KIF13B: variants seen among roughly 807,000 people sequenced by gnomAD.
The protein encoded by KIF13B is kinesin-like protein KIF13B.
A neutral mutation model predicts 222.0 loss-of-function variants in KIF13B; 127 were observed. That is an observed-to-expected ratio of 0.57 (90% CI 0.50 to 0.66). KIF13B has a LOEUF of 0.66. Among genes scored for constraint, KIF13B ranks in the 30% least tolerant of loss-of-function variants. The pLI is 0.00. For missense variants in KIF13B, 2,173 were observed against 2,379.0 expected, an observed-to-expected ratio of 0.91 and a Z score of 1.80; for synonymous variants, 976 against 919.0, an observed-to-expected ratio of 1.06 and a Z score of -1.12.
intron 1 of KIF13B, among the ~76,000 whole-genome samples, chr8:29,259,436 T>C (rs1329415774): frequency 1.3e-5 from 2 of 152,228 alleles, no homozygotes; most frequent in Non-Finnish European, 2.9e-5. Context: ...AACAAAGGTA[T>C]TCCAAACACC....
chr8:29,108,074 GAGA>G (rs1563707037), intron 35 of KIF13B, 62 bp downstream of exon 35: 4 of 1,378,616 alleles, frequency 2.9e-6, no homozygotes, highest in Non-Finnish European at 3.0e-6. Context: ...CCTGAGATTT[GAGA>G]AGATGAAAGC....
At chr8:29,245,556 G>A in intron 1 of KIF13B, 117 bp from the exon 2 acceptor site, 1 of 697,048 alleles carries the variant, frequency 1.4e-6, no homozygotes, top group Non-Finnish European at 2.4e-6. Flanking sequence ...ACTCAATGAA[G>A]TAGGAATAAA....
At chr8:29,250,536 A>G (rs1816237746) in intron 1 of KIF13B, among the ~76,000 whole-genome samples, 1 of 152,232 alleles carries the variant, frequency 6.6e-6, no homozygotes, top group South Asian at 2.1e-4. Flanking sequence ...ATTTTGTCCT[A>G]GAGACGGCAA....
At chr8:29,148,441 C>T (rs1352139708) in intron 16 of KIF13B, 136 bp downstream of exon 16, 2 of 471,202 alleles carry the variant, frequency 4.2e-6, no homozygotes, top group Non-Finnish European at 7.2e-6. Context: ...CTATGTTGCC[C>T]AGGCTAAAGA....
intron 13 of KIF13B, 139 bp from the exon 14 acceptor site, chr8:29,155,995 G>T: frequency 1.7e-6 from 1 of 595,820 alleles, no homozygotes; most frequent in Non-Finnish European, 2.9e-6. Flanking sequence ...TTGAGACAGA[G>T]TCTTGCTCTA....
rs1175576214 is a variant in KIF13B, at chr8:29,068,904, G to C, written c.*1600C>G. The C allele has an allele frequency of 6.6e-6, 1 of 152,264 alleles. No homozygotes were observed. Among genetic ancestry groups the C allele is most frequent in the Non-Finnish European group, 1.5e-5 (1 of 68,070 alleles). 9.4% of individuals were successfully genotyped at this position (152,264 alleles called of 1,614,324 possible). ...GCTAAGGACAGGGAGAGCCCTGGAG[G>C]AGTGCCTCCCCCCAGGGGCCGGGCC... On this transcript the variant is annotated 3_prime_UTR_variant, in exon 40 of 40. Transcript: ENST00000524189. The surrounding 1 kb of genome is among the most constrained non-coding windows in gnomAD (Gnocchi z 4.4).
At position 29,191,122 on chromosome 8, in the gene KIF13B, T is replaced by C. The variant is rs371123475; in HGVS notation, c.163-65A>G. Reference sequence around the variant, plus strand: ...AACATTACTTATAAACCATAACTGATAGAACTGTTCATAATAGTGAAATAA... The same window carrying C: ...AACATTACTTATAAACCATAACTGACAGAACTGTTCATAATAGTGAAATAA... On this transcript the variant is annotated intron_variant, in intron 3 of 39. Transcript: ENST00000524189. 3.3e-6 allele frequency: 4 copies of C among 1,220,198 alleles called. No homozygotes were observed. The African/African-American group carries it at 4.5e-5, about 14-fold the overall frequency. The allele number at this position is 1,220,198 out of a possible 1,614,324, so 75.6% of individuals were successfully genotyped here. A position where few individuals can be genotyped will look rare whatever the true frequency, so the allele number is the denominator to read the frequency against.
At chr8:29,191,474 A>G (rs1205774511) in intron 3 of KIF13B, among the ~76,000 whole-genome samples, 1 of 152,256 alleles carries the variant, frequency 6.6e-6, no homozygotes, top group East Asian at 1.9e-4. Context: ...AGCTTAAAAT[A>G]GCAGAATGTT....
At chr8:29,178,485 C>T (rs1812575493) in intron 8 of KIF13B, among the ~76,000 whole-genome samples, 1 of 151,954 alleles carries the variant, frequency 6.6e-6, no homozygotes, top group Non-Finnish European at 1.5e-5. Context: ...ATACATGTAA[C>T]ATACTTCGTA....
intron 37 of KIF13B, among the ~76,000 whole-genome samples, chr8:29,079,343 G>A (rs1053049999): frequency 6.6e-6 from 1 of 152,196 alleles, no homozygotes; most frequent in Non-Finnish European, 1.5e-5. Context: ...TGTGTCATCC[G>A]CAGACACTCA....
intron 1 of KIF13B, among the ~76,000 whole-genome samples, chr8:29,257,935 A>G (rs1347765852): frequency 6.6e-6 from 1 of 152,226 alleles, no homozygotes. Flanking sequence ...GCATATATCC[A>G]AATTTCAGTC....
rs1358446021 is a variant in KIF13B at position 29,068,894 on chromosome 8, A to G, written c.*1610T>C. ...CTCAAAATCGGCTAAGGACAGGGAG[A>G]GCCCTGGAGGAGTGCCTCCCCCCAG... On this transcript the variant is annotated 3_prime_UTR_variant, in exon 40 of 40. Coordinates refer to ENST00000524189, the MANE Select transcript of KIF13B (RefSeq NM_015254.4). This position sits in a 1 kb window ranked among gnomAD's most constrained non-coding sequence, Gnocchi z 4.4. 6.6e-6 allele frequency: 1 copy of G among 152,234 alleles called. No individual in the cohort carries two copies. The highest frequency in any genetic ancestry group is 1.5e-5 in the Non-Finnish European group (1 of 68,084). 9.4% of individuals were successfully genotyped at this position (152,234 alleles called of 1,614,324 possible).
intron 2 of KIF13B, among the ~76,000 whole-genome samples, chr8:29,244,022 CT>C (rs532295181): frequency 6.6e-6 from 1 of 151,030 alleles, no homozygotes; most frequent in African/African-American, 2.4e-5. Context: ...CTTTTCTTTT[CT>C]TTTTTTTTGA....
chr8:29,139,561 C>T (rs1464294675), intron 21 of KIF13B, among the ~76,000 whole-genome samples: 1 of 152,232 alleles, frequency 6.6e-6, no homozygotes, highest in Non-Finnish European at 1.5e-5. Flanking sequence ...ACTCCAACAG[C>T]TCCAGCTTCC....
At chr8:29,155,618 A>T (rs150224798) in intron 14 of KIF13B, 108 bp downstream of exon 14, 31 of 920,700 alleles carry the variant, frequency 3.4e-5, no homozygotes, top group Non-Finnish European at 4.9e-5. Flanking sequence ...AACCAACTGG[A>T]TTACTTAATG....
intron 2 of KIF13B, among the ~76,000 whole-genome samples, chr8:29,221,896 G>A (rs759195271): frequency 1.1e-4 from 17 of 151,904 alleles, no homozygotes; most frequent in Admixed American, 3.9e-4. Flanking sequence ...ATTCACTATC[G>A]ATACTTTATA....
chr8:29,244,042 C>T (rs1187149942), intron 2 of KIF13B, among the ~76,000 whole-genome samples: 4 of 152,112 alleles, frequency 2.6e-5, no homozygotes, highest in Non-Finnish European at 5.9e-5. Context: ...GAGACGGAGT[C>T]TCGCTCTGTC....
Position 29,245,443 on chromosome 8 carries a change from T to A in KIF13B, c.56-4A>T, listed in dbSNP as rs545375401. The A allele has an allele frequency of 5.7e-6, 9 of 1,565,252 alleles. No individual in the cohort carries two copies. Among genetic ancestry groups the A allele is most frequent in the Non-Finnish European group, 7.8e-6 (9 of 1,155,422 alleles). Reference sequence around the variant, plus strand: ...CATTTGGTATGCAAGTCAGTCTCTGTGGATAAAAAAACAAGAAAAACAGTC... The same window carrying A: ...CATTTGGTATGCAAGTCAGTCTCTGAGGATAAAAAAACAAGAAAAACAGTC... On this transcript the variant is annotated splice_polypyrimidine_tract_variant and splice_region_variant and intron_variant, in intron 1 of 39. Transcript: ENST00000524189.
At chr8:29,102,756 G>A (rs1808854059) in intron 35 of KIF13B, among the ~76,000 whole-genome samples, 1 of 152,160 alleles carries the variant, frequency 6.6e-6, no homozygotes, top group South Asian at 2.1e-4. Context: ...CTCCTCCCAG[G>A]GCTGCGTGAA....
Sources: allele counts gnomAD v4.1 joint callset (sites outside exome capture counted in the v4.1 genomes callset), GRCh38; gene constraint gnomAD v4.1.1; non-coding constraint Gnocchi (gnomAD v3.1); transcripts MANE v1.5; gene names NCBI Gene and HGNC (gene_info 2026-07-23, HGNC 2026-07-21).